The following PNPLA3 variants were observed in gnomAD, a reference collection of about 807,000 sequenced individuals.
PNPLA3 encodes the protein patatin like domain 3, 1-acylglycerol-3-phosphate O-acyltransferase, also known as 1-acylglycerol-3-phosphate O-acyltransferase PNPLA3.
In PNPLA3, 42 loss-of-function variants were observed where a neutral mutation model predicts 43.1. The observed-to-expected ratio is 0.97, with a 90% CI of 0.76 to 1.26. The LOEUF is 1.26. PNPLA3 is among the 50% of genes most tolerant of loss of function. PNPLA3 has a pLI of 0.00. For synonymous variants in PNPLA3, 272 were observed against 253.6 expected, an observed-to-expected ratio of 1.07 and a Z score of -0.69; for missense variants, 647 against 621.4, an observed-to-expected ratio of 1.04 and a Z score of -0.44.
intron 4 of PNPLA3, among the ~76,000 whole-genome samples, 181 bp downstream of exon 4, chr22:43,933,268 A>T (rs919936779): frequency 6.6e-6 from 1 of 152,192 alleles, no homozygotes. Context: ...TGATTATGGG[A>T]ATCACCTGGG....
At chr22:43,934,214 G>C in intron 4 of PNPLA3, among the ~76,000 whole-genome samples, 1 of 151,724 alleles carries the variant, frequency 6.6e-6, no homozygotes, top group East Asian at 1.9e-4. Flanking sequence ...CTACTAGGGA[G>C]GCTGAGGCAG....
chr22:43,939,986 T>C lies in PNPLA3; in HGVS notation c.980-7T>C. On this transcript the variant is annotated splice_region_variant and splice_polypyrimidine_tract_variant and intron_variant, in intron 6 of 8. Coordinates refer to ENST00000216180, the MANE Select transcript of PNPLA3 (RefSeq NM_025225.3). ...GGGAGATAATAGCTCCAAATTGTCTTTTTCAGCACTGAGTGAAGAAATGAA... is the reference window on the plus strand; with the variant it reads ...GGGAGATAATAGCTCCAAATTGTCTCTTTCAGCACTGAGTGAAGAAATGAA... 6.2e-7 allele frequency: 1 copy of C among 1,614,152 alleles called. No homozygotes were observed. Among genetic ancestry groups the C allele is most frequent in the Non-Finnish European group, 8.5e-7 (1 of 1,180,020 alleles).
Position 43,940,103 on chromosome 22 carries a change from TC to T in PNPLA3, c.1091del (p.Ser364LeufsTer10), listed in dbSNP as rs1357721419. ...GCTGCCCTGTACCCTGCCTGTGGAA[TC>T]TGCCATTGCGATTGTCCAGAGGTGA... ...VMLPCTLPVE[S>X]AIAIVQRLVT... is the part of the protein sequence containing the mutation. On this transcript the variant is annotated frameshift_variant, in exon 7 of 9. Coordinates refer to ENST00000216180, the MANE Select transcript of PNPLA3 (RefSeq NM_025225.3). LOFTEE classifies it high-confidence loss of function. 1 of 1,614,220 alleles carries T rather than the reference TC, an allele frequency of 6.2e-7. No individual in the cohort carries two copies.
chr22:43,933,002 A>G lies in PNPLA3; in HGVS notation c.611A>G (p.His204Arg), dbSNP rs746908103. 1 of 1,614,178 alleles carries G rather than the reference A, an allele frequency of 6.2e-7. No individual in the cohort carries two copies. Among genetic ancestry groups the G allele is most frequent in the East Asian group, 2.2e-5 (1 of 44,878 alleles). ...AAAGTCAAGTCCACGAACTTTCTTC[A>G]TGTGGACATCACCAAGCTCAGTCTA... ...CPKVKSTNFL[H>R]VDITKLSLRL... is the part of the protein sequence containing the mutation. Residue 204 changes from histidine to arginine, a missense_variant, in exon 4 of 9, where the codon CAT (histidine) becomes CGT (arginine). Transcript: ENST00000216180.
At chr22:43,943,782 C>T (rs2050045800) in intron 7 of PNPLA3, among the ~76,000 whole-genome samples, 1 of 151,926 alleles carries the variant, frequency 6.6e-6, no homozygotes, top group South Asian at 2.1e-4. Flanking sequence ...CTGTCATGTC[C>T]TTTGATCCTT....
intron 7 of PNPLA3, among the ~76,000 whole-genome samples, chr22:43,942,712 T>C (rs924948924): frequency 6.1e-5 from 9 of 147,220 alleles, no homozygotes; most frequent in Non-Finnish European, 3.0e-5. Context: ...TTTTTTTTTT[T>C]TTTTTTTTGA....
intron 1 of PNPLA3, among the ~76,000 whole-genome samples, chr22:43,925,198 C>G (rs1472923636): frequency 6.6e-6 from 1 of 152,174 alleles, no homozygotes; most frequent in Non-Finnish European, 1.5e-5. Context: ...CCCACCCTCC[C>G]CTCTCCGGCT....
intron 6 of PNPLA3, chr22:43,939,355 C>A (rs1296176891): frequency 2.9e-5 from 28 of 968,220 alleles, no homozygotes; most frequent in Non-Finnish European, 3.3e-5. Flanking sequence ...TGGAAATGGA[C>A]ATGTCTTTTC....
Position 43,923,900 on chromosome 22 carries a change from G to A in PNPLA3, c.-12G>A, listed in dbSNP as rs1439436748. 2 of 1,469,500 alleles carry A rather than the reference G, an allele frequency of 1.4e-6. No individual in the cohort carries two copies. The highest frequency in any genetic ancestry group is 2.9e-5 in the African/African-American group (2 of 68,212). The allele number at this position is 1,469,500 out of a possible 1,614,324, so 91.0% of individuals were successfully genotyped here. A position where few individuals can be genotyped will look rare whatever the true frequency, so the allele number is the denominator to read the frequency against. On this transcript the variant is annotated 5_prime_UTR_variant, in exon 1 of 9. Transcript: ENST00000216180. ...AGATCCTAACCCGCGCCCCCGCCCCGCCGCCGCCGCCATGTACGACGCAGA... is the reference window on the plus strand; with the variant it reads ...AGATCCTAACCCGCGCCCCCGCCCCACCGCCGCCGCCATGTACGACGCAGA...
intron 7 of PNPLA3, among the ~76,000 whole-genome samples, chr22:43,941,210 C>T (rs553948470): frequency 1.3e-5 from 2 of 149,230 alleles, no homozygotes; most frequent in South Asian, 2.1e-4. Context: ...TTCCATCTTT[C>T]GTTCTAGGCA....
In PNPLA3 at chr22:43,924,105, C is replaced by T. The variant is rs1227536667; in HGVS notation, c.187+7C>T. On this transcript the variant is annotated splice_region_variant and intron_variant, in intron 1 of 8. Coordinates refer to ENST00000216180, the MANE Select transcript of PNPLA3 (RefSeq NM_025225.3). The stretch of plus-strand genomic sequence containing the variant: ...CTCTCCGGTATCCCGCTGGGTGCGT[C>T]TGGGGACGCTGCCCGGGCTCCACGT... 1 of 1,534,550 alleles carries T rather than the reference C, an allele frequency of 6.5e-7. No individual in the cohort carries two copies. The highest frequency in any genetic ancestry group is 2.6e-5 in the East Asian group (1 of 38,188).
intron 5 of PNPLA3, among the ~76,000 whole-genome samples, chr22:43,936,747 T>G (rs549130599): frequency 7.2e-5 from 11 of 152,328 alleles, no homozygotes; most frequent in African/African-American, 2.4e-4. Context: ...AAGGCAGGTG[T>G]AACCAGTGGT....
intron 3 of PNPLA3, among the ~76,000 whole-genome samples, chr22:43,930,207 T>C (rs2049953147): frequency 6.6e-6 from 1 of 152,150 alleles, no homozygotes; most frequent in Non-Finnish European, 1.5e-5. Context: ...ATTCATCCTG[T>C]GTGGCTGTGG....
At chr22:43,934,722 TCTTGGTAAAGA>T (rs2049984107) in intron 5 of PNPLA3, 56 bp downstream of exon 5, 15 of 1,526,608 alleles carry the variant, frequency 9.8e-6, no homozygotes, top group Admixed American at 3.3e-5. Context: ...TTACTAGCGG[TCTTGGTAAAGA>T]CTTGAGATTT....
chr22:43,946,757 G>A lies in PNPLA3; in HGVS notation c.*375G>A. 1.9e-6 allele frequency: 1 copy of A among 528,544 alleles called. No individual in the cohort carries two copies. The highest frequency in any genetic ancestry group is 1.4e-5 in the South Asian group (1 of 71,594). The allele number at this position is 528,544 out of a possible 1,614,324, so 32.7% of individuals were successfully genotyped here. On this transcript the variant is annotated 3_prime_UTR_variant, in exon 9 of 9. Transcript: ENST00000216180. Reference sequence around the variant, plus strand: ...TGTGATGGGGGGTAGGCTGGCCCATGTGTGATCTTGTGGGGTGGAGGGAAG... The same window carrying A: ...TGTGATGGGGGGTAGGCTGGCCCATATGTGATCTTGTGGGGTGGAGGGAAG...
Position 43,944,787 on chromosome 22 carries a change from C to G in PNPLA3, c.1209C>G (p.Pro403=), listed in dbSNP as rs184910573. Residue 403 remains proline (P), a synonymous_variant, in exon 8 of 9, where the codon CCC becomes CCG. Transcript: ENST00000216180. ...VFTRVLMCLL[P]ASRSQMPVSS... ...CTCGAGTGCTGATGTGTCTGCTCCC[C>G]GCCTCCAGGTAAATACTTTGGCTGT... 1.2e-6 allele frequency: 2 copies of G among 1,614,072 alleles called. No individual in the cohort carries two copies. The highest frequency in any genetic ancestry group is 8.5e-7 in the Non-Finnish European group (1 of 1,179,916).
Position 43,932,993 on chromosome 22 carries a change from A to T in PNPLA3, c.602A>T (p.Asn201Ile). 2 of 1,614,112 alleles carry T rather than the reference A, an allele frequency of 1.2e-6. No homozygotes were observed. The highest frequency in any genetic ancestry group is 3.3e-5 in the Admixed American group (2 of 60,014). The change falls in exon 4 of 9, where the codon AAC (asparagine) becomes ATC (isoleucine). Residue 201 changes from asparagine to isoleucine, a missense_variant. Transcript: ENST00000216180. The part of the protein sequence containing the change: ...YDICPKVKST[N>I]FLHVDITKLS... Reference sequence around the variant, plus strand: ...ATCTGCCCTAAAGTCAAGTCCACGAACTTTCTTCATGTGGACATCACCAAG... The same window carrying T: ...ATCTGCCCTAAAGTCAAGTCCACGATCTTTCTTCATGTGGACATCACCAAG...
Position 43,927,092 on chromosome 22 carries a change from C to T in PNPLA3, c.345C>T (p.Gly115=), listed in dbSNP as rs756822135. 2.0e-5 allele frequency: 33 copies of T among 1,614,254 alleles called. No homozygotes were observed. Among genetic ancestry groups the T allele is most frequent in the Non-Finnish European group, 2.7e-5 (32 of 1,180,046 alleles). Residue 115 remains glycine (G), a synonymous_variant, in exon 2 of 9, where the codon GGC becomes GGT. Transcript: ENST00000216180. ...NVHQLISGKI[G]ISLTRVSDGE... Reference sequence around the variant, plus strand: ...ACCAGCTCATCTCCGGCAAAATAGGCATCTCTCTTACCAGAGTGTCTGATG... The same window carrying T: ...ACCAGCTCATCTCCGGCAAAATAGGTATCTCTCTTACCAGAGTGTCTGATG...
At chr22:43,928,705 C>T in intron 2 of PNPLA3, 119 bp from the exon 3 acceptor site, 1 of 436,446 alleles carries the variant, frequency 2.3e-6, no homozygotes. Context: ...GATTAACCTA[C>T]TCTGTGCAAA....
Sources: gnomAD v4.1 joint callset for allele counts (sites outside exome capture counted in the v4.1 genomes callset) on GRCh38, gnomAD v4.1.1 for gene constraint, MANE v1.5 for transcripts, NCBI Gene and HGNC (gene_info 2026-07-23, HGNC 2026-07-21) for gene names.